RITA1: variants seen among roughly 807,000 people sequenced by gnomAD.
RITA1 encodes the protein RBPJ interacting and tubulin associated 1.
In RITA1, 15 loss-of-function variants were observed where a neutral mutation model predicts 8.7. That is an observed-to-expected ratio of 1.72 (90% CI 1.15 to 2.65). The LOEUF is 2.65. Ranked by LOEUF, RITA1 falls within the 30% of genes most tolerant of loss-of-function variation. RITA1 has a pLI of 0.00. For synonymous variants in RITA1, 145 were observed against 156.2 expected, an observed-to-expected ratio of 0.93 and a Z score of 0.53; for missense variants, 330 against 363.8, an observed-to-expected ratio of 0.91 and a Z score of 0.76.
At chr12:113,190,985 T>C (rs963055326) in intron 3 of RITA1, among the ~76,000 whole-genome samples, 1 of 152,212 alleles carries the variant, frequency 6.6e-6, no homozygotes, top group Non-Finnish European at 1.5e-5. Flanking sequence ...TTGGACAGGC[T>C]TGGGTCATCT....
intron 3 of RITA1, chr12:113,187,375 A>T: frequency 3.5e-6 from 1 of 288,846 alleles, no homozygotes. Context: ...CAGCTGAGGC[A>T]TAAGATCACA....
chr12:113,185,735 C>T lies in RITA1; in HGVS notation c.-483C>T, dbSNP rs1952527919. ...GCCGCGTCCGCAGTGCTGCTGGCTG[C>T]TCCCTGGTTGCTGGGTGCAAAGTGC... On this transcript the variant is annotated 5_prime_UTR_variant, in exon 1 of 4. Coordinates refer to ENST00000548278, the MANE Select transcript of RITA1 (RefSeq NM_032848.3). 2.1e-5 allele frequency: 12 copies of T among 574,682 alleles called. No homozygotes were observed. Among genetic ancestry groups the T allele is most frequent in the Admixed American group, 3.3e-5 (1 of 30,462 alleles). The allele number at this position is 574,682 out of a possible 1,614,324, so 35.6% of individuals were successfully genotyped here. A position where few individuals can be genotyped will look rare whatever the true frequency, so the allele number is the denominator to read the frequency against.
chr12:113,189,126 A>G (rs1358846135), intron 3 of RITA1, among the ~76,000 whole-genome samples: 1 of 151,832 alleles, frequency 6.6e-6, no homozygotes, highest in Non-Finnish European at 1.5e-5. Flanking sequence ...AATTACCTTT[A>G]ATTAATCTAA....
rs1439469828 is a variant in RITA1, at chr12:113,191,382, G to T, written c.375G>T (p.Gly125=). 6.2e-7 allele frequency: 1 copy of T among 1,600,244 alleles called. No homozygotes were observed. The highest frequency in any genetic ancestry group is 8.5e-7 in the Non-Finnish European group (1 of 1,171,502). ...CCCGATCTGAAGGCGCCAGCTTCGG[G>T]GCCCCGCGGATGGCGAAGGGGGATG... ...FGSRSEGASF[G]APRMAKGDAA... Residue 125 remains glycine (G), a synonymous_variant, in exon 4 of 4, where the codon GGG becomes GGT. Coordinates refer to ENST00000548278, the MANE Select transcript of RITA1 (RefSeq NM_032848.3). The surrounding 1 kb of genome is among the most constrained non-coding windows in gnomAD (Gnocchi z 4.0).
rs760372956 is a variant in RITA1 at position 113,188,787 on chromosome 12, CTTTTTTTTTTTTTTTTTTTTTTTT to C, written c.302+1757_302+1780del. Among the ~76,000 whole-genome samples, 614 of 73,194 alleles carry C rather than the reference CTTTTTTTTTTTTTTTTTTTTTTTT, an allele frequency of 8.4e-3. 8 individuals are homozygous for C. The highest frequency in any genetic ancestry group is 0.032 in the African/African-American group (554 of 17,186). 48.0% of individuals were successfully genotyped at this position (73,194 alleles called of 152,430 possible). ...TATAATGTTATTTAGCCTTAGTTACCTTTTTTTTTTTTTTTTTTTTTTTTTTTTTTTTTTTTTTTTTGAGATGGA... is the reference window on the plus strand; with the variant it reads ...TATAATGTTATTTAGCCTTAGTTACCTTTTTTTTTTTTTTTTTGAGATGGA... On this transcript the variant is annotated intron_variant, in intron 3 of 3. Coordinates refer to ENST00000548278, the MANE Select transcript of RITA1 (RefSeq NM_032848.3).
rs1236937415 is a variant in RITA1 at position 113,192,109 on chromosome 12, C to T, written c.*292C>T. The T allele has an allele frequency of 5.5e-6, 2 of 364,682 alleles. No homozygotes were observed. The highest frequency in any genetic ancestry group is 9.9e-6 in the Non-Finnish European group (2 of 201,530). The allele number at this position is 364,682 out of a possible 1,614,324, so 22.6% of individuals were successfully genotyped here. A position where few individuals can be genotyped will look rare whatever the true frequency, so the allele number is the denominator to read the frequency against. On this transcript the variant is annotated 3_prime_UTR_variant, in exon 4 of 4. Transcript: ENST00000548278. ...CCCAGGGGCCTGGCACCTCCCACAT[C>T]ATCCATTGTCTTGCTGCCAAGTGCG...
At chr12:113,188,884 C>T (rs1410079009) in intron 3 of RITA1, among the ~76,000 whole-genome samples, 1 of 130,334 alleles carries the variant, frequency 7.7e-6, no homozygotes, top group Non-Finnish European at 1.6e-5. Context: ...CATCTCGGAT[C>T]ACTGCAGCCT....
Position 113,186,920 on chromosome 12 carries a change from G to T in RITA1, c.174G>T (p.Glu58Asp), listed in dbSNP as rs897011960. The T allele has an allele frequency of 5.2e-5, 84 of 1,614,044 alleles. No homozygotes were observed. The highest frequency in any genetic ancestry group is 7.1e-5 in the Non-Finnish European group (84 of 1,180,040). Residue 58 changes from glutamate to aspartate, a missense_variant, in exon 3 of 4, where the codon GAG (glutamate) becomes GAT (aspartate). Glu to Asp is a conservative substitution (Grantham distance 45). Coordinates refer to ENST00000548278, the MANE Select transcript of RITA1 (RefSeq NM_032848.3). Reference sequence around the variant, plus strand: ...CGGACTTCGATCCGCCCTGGGTGGAGAAGGCTAACAGAACCAGAGGCGTGG... The same window carrying T: ...CGGACTTCGATCCGCCCTGGGTGGATAAGGCTAACAGAACCAGAGGCGTGG... ...TPPDFDPPWV[E>D]KANRTRGVGK... is the part of the protein sequence containing the mutation.
chr12:113,191,872 C>T lies in RITA1; in HGVS notation c.*55C>T, dbSNP rs1952611005. On this transcript the variant is annotated 3_prime_UTR_variant, in exon 4 of 4. Coordinates refer to ENST00000548278, the MANE Select transcript of RITA1 (RefSeq NM_032848.3). This position sits in a 1 kb window ranked among gnomAD's most constrained non-coding sequence, Gnocchi z 4.0. ...CACGGCGACAGGTATGGCCCCTTGC[C>T]AGGGTAGGAGGACATTCATCACCCA... 1 of 1,529,146 alleles carries T rather than the reference C, an allele frequency of 6.5e-7. No homozygotes were observed. Among genetic ancestry groups the T allele is most frequent in the African/African-American group, 1.4e-5 (1 of 72,348 alleles). 94.7% of individuals were successfully genotyped at this position (1,529,146 alleles called of 1,614,324 possible).
chr12:113,187,163 C>A, intron 3 of RITA1, 115 bp downstream of exon 3: 2 of 1,119,260 alleles, frequency 1.8e-6, no homozygotes, highest in Non-Finnish European at 2.5e-6. Flanking sequence ...CCTCTCTGAG[C>A]CAGTTTACTC....
Position 113,186,189 on chromosome 12 carries a change from A to T in RITA1, c.-192A>T, listed in dbSNP as rs1289676910. On this transcript the variant is annotated 5_prime_UTR_variant, in exon 2 of 4. Coordinates refer to ENST00000548278, the MANE Select transcript of RITA1 (RefSeq NM_032848.3). Reference sequence around the variant, plus strand: ...ATTTCACTTCCACCGTTTTAGCTTTATAGGTGTGACCTACACATGTGACTT... The same window carrying T: ...ATTTCACTTCCACCGTTTTAGCTTTTTAGGTGTGACCTACACATGTGACTT... 5.9e-6 allele frequency: 8 copies of T among 1,355,482 alleles called. No homozygotes were observed. Among genetic ancestry groups the T allele is most frequent in the Non-Finnish European group, 7.0e-6 (7 of 1,002,172 alleles). 84.0% of individuals were successfully genotyped at this position (1,355,482 alleles called of 1,614,324 possible).
chr12:113,188,079 C>T (rs930070493), intron 3 of RITA1, among the ~76,000 whole-genome samples: 3 of 151,864 alleles, frequency 2.0e-5, no homozygotes, highest in South Asian at 4.2e-4. Flanking sequence ...GATGGAGTCT[C>T]GCTCTGTTGC....
chr12:113,192,178 C>G lies in RITA1; in HGVS notation c.*361C>G. ...CAACCTGGAGGGTCCCCTCTTATCC[C>G]TTCAAGCCAAGCTTCCTGCTCAGGA... On this transcript the variant is annotated 3_prime_UTR_variant, in exon 4 of 4. Transcript: ENST00000548278. 1 of 202,012 alleles carries G rather than the reference C, an allele frequency of 5.0e-6. No homozygotes were observed. The highest frequency in any genetic ancestry group is 1.0e-5 in the Non-Finnish European group (1 of 99,846). The allele number at this position is 202,012 out of a possible 1,614,324, so 12.5% of individuals were successfully genotyped here.
chr12:113,186,089 G>A, intron 1 of RITA1, 68 bp downstream of exon 1: 1 of 1,532,972 alleles, frequency 6.5e-7, no homozygotes, highest in Non-Finnish European at 8.7e-7. Context: ...TTTGGGAGTC[G>A]CAGAATGTGG....
rs760372956 is a variant in RITA1 at position 113,188,787 on chromosome 12, C to CTTTTTTTTTTTTTTTTTTT, written c.302+1762_302+1780dup. Among the ~76,000 whole-genome samples the CTTTTTTTTTTTTTTTTTTT allele has an allele frequency of 4.1e-5, 3 of 73,206 alleles. 1 individual carries two copies. Among genetic ancestry groups the CTTTTTTTTTTTTTTTTTTT allele is most frequent in the Non-Finnish European group, 7.8e-5 (3 of 38,238 alleles). 48.0% of individuals were successfully genotyped at this position (73,206 alleles called of 152,430 possible). On this transcript the variant is annotated intron_variant, in intron 3 of 3. Coordinates refer to ENST00000548278, the MANE Select transcript of RITA1 (RefSeq NM_032848.3). The stretch of plus-strand genomic sequence containing the variant: ...TATAATGTTATTTAGCCTTAGTTAC[C>CTTTTTTTTTTTTTTTTTTT]TTTTTTTTTTTTTTTTTTTTTTTTT...
In RITA1 at chr12:113,186,446, CCTT is replaced by C. The variant is rs1298596980; in HGVS notation, c.-65+132_-65+134del. On this transcript the variant is annotated intron_variant, in intron 2 of 3. Coordinates refer to ENST00000548278, the MANE Select transcript of RITA1 (RefSeq NM_032848.3). ...CTAAATAGACACAGGTGTCATCTCT[CCTT>C]CACCGCCAGAGTCATTCTGTAAATA... is the stretch of plus-strand genomic sequence containing the variant. The C allele has an allele frequency of 3.7e-6, 5 of 1,366,204 alleles. No homozygotes were observed. The African/African-American group carries it at 4.4e-5, about 12-fold the overall frequency. The allele number at this position is 1,366,204 out of a possible 1,614,324, so 84.6% of individuals were successfully genotyped here.
At chr12:113,190,214 C>T (rs1952585761) in intron 3 of RITA1, among the ~76,000 whole-genome samples, 1 of 151,410 alleles carries the variant, frequency 6.6e-6, no homozygotes, top group South Asian at 2.1e-4. Flanking sequence ...TGCCTGTAAT[C>T]CCGCCTACTC....
chr12:113,185,853 C>A lies in RITA1; in HGVS notation c.-365C>A, dbSNP rs1593013896. The A allele has an allele frequency of 1.0e-6, 1 of 990,976 alleles. No homozygotes were observed. Among genetic ancestry groups the A allele is most frequent in the Non-Finnish European group, 1.5e-6 (1 of 684,832 alleles). 61.4% of individuals were successfully genotyped at this position (990,976 alleles called of 1,614,324 possible). A position where few individuals can be genotyped will look rare whatever the true frequency, so the allele number is the denominator to read the frequency against. ...GTCCGCGCGCGGTGCCCCGGGACGG[C>A]CTAGGCTGCCGGGGGTCCGGGGCCC... On this transcript the variant is annotated 5_prime_UTR_variant, in exon 1 of 4. Transcript: ENST00000548278.
At position 113,186,054 on chromosome 12, in the gene RITA1, G is replaced by A. The variant is rs1451631198; in HGVS notation, c.-197+33G>A. On this transcript the variant is annotated intron_variant, in intron 1 of 3. Coordinates refer to ENST00000548278, the MANE Select transcript of RITA1 (RefSeq NM_032848.3). ...AACAACCCAAAAATGCAGGGACCTC[G>A]GGCACTTTTTAATCGGGTCATTGAT... The A allele has an allele frequency of 3.3e-6, 5 of 1,535,896 alleles. No homozygotes were observed. The African/African-American group carries it at 4.1e-5, about 13-fold the overall frequency.
Sources: gnomAD v4.1 joint callset for allele counts (sites outside exome capture counted in the v4.1 genomes callset) on GRCh38, gnomAD v4.1.1 for gene constraint, Gnocchi (gnomAD v3.1) non-coding constraint, MANE v1.5 for transcripts, NCBI Gene and HGNC (gene_info 2026-07-23, HGNC 2026-07-21) for gene names.